Variants in CAMTA1 observed in about 807,000 individuals in gnomAD.
The protein encoded by CAMTA1 is calmodulin-binding transcription activator 1.
In CAMTA1, 27 loss-of-function variants were observed where a neutral mutation model predicts 170.9. That is an observed-to-expected ratio of 0.16 (90% CI 0.12 to 0.22). CAMTA1 has a LOEUF of 0.22. CAMTA1 is among the 10% of genes least tolerant of loss of function. The pLI is 1.00. For missense variants in CAMTA1, 1,619 were observed against 2,217.2 expected (o/e 0.73, Z 5.42); for synonymous variants, 833 against 891.5 (o/e 0.93, Z 1.17).
chr1:7,180,799 A>G (rs989748686), intron 4 of CAMTA1, among the ~76,000 whole-genome samples: 4 of 152,226 alleles, frequency 2.6e-5, no homozygotes, highest in African/African-American at 7.2e-5. Context: ...GATGTGAGCC[A>G]CCACACCTGG....
At chr1:7,047,746 C>T (rs1179397158) in intron 3 of CAMTA1, among the ~76,000 whole-genome samples, 2 of 137,960 alleles carry the variant, frequency 1.4e-5, no homozygotes, top group African/African-American at 5.6e-5. Context: ...TTGGAGGTTA[C>T]TAGGATTAGA....
chr1:7,100,903 C>G (rs1054163254), intron 4 of CAMTA1, among the ~76,000 whole-genome samples: 1 of 152,182 alleles, frequency 6.6e-6, no homozygotes, highest in Non-Finnish European at 1.5e-5. Flanking sequence ...TTTACTGGGA[C>G]AAAAGCCTTC....
chr1:7,440,819 C>T (rs750721185), intron 5 of CAMTA1, among the ~76,000 whole-genome samples: 1 of 152,172 alleles, frequency 6.6e-6, no homozygotes, highest in Non-Finnish European at 1.5e-5. Context: ...TTTCCTTAGC[C>T]GATGGCGATG....
At chr1:7,462,310 G>A (rs893656565) in intron 5 of CAMTA1, among the ~76,000 whole-genome samples, 1 of 152,140 alleles carries the variant, frequency 6.6e-6, no homozygotes, top group Non-Finnish European at 1.5e-5. Context: ...CTGTTGCCCA[G>A]GCTGGAGTGC....
At chr1:6,815,552 C>T (rs181404205) in intron 1 of CAMTA1, among the ~76,000 whole-genome samples, 1 of 152,238 alleles carries the variant, frequency 6.6e-6, no homozygotes, top group Admixed American at 6.5e-5. Context: ...GAGTAACCAT[C>T]CCTAGAGTTT....
chr1:7,756,493 G>A (rs1002812630), intron 22 of CAMTA1, among the ~76,000 whole-genome samples: 1 of 152,168 alleles, frequency 6.6e-6, no homozygotes, highest in South Asian at 2.1e-4. Context: ...CAGTCTCCCA[G>A]AAGCAACTAT....
chr1:7,136,145 A>G (rs1645530811), intron 4 of CAMTA1, among the ~76,000 whole-genome samples: 1 of 152,162 alleles, frequency 6.6e-6, no homozygotes, highest in African/African-American at 2.4e-5. Context: ...GTGCCAAACA[A>G]TATCATGTGG....
chr1:7,766,433 G>T, intron 22 of CAMTA1, 26 bp from the exon 23 acceptor site: 1 of 1,612,668 alleles, frequency 6.2e-7, no homozygotes, highest in Non-Finnish European at 8.5e-7. Context: ...GTTATCGCCT[G>T]CTGTTTTGTT....
At chr1:6,893,274 AAAG>A (rs1359896468) in intron 3 of CAMTA1, among the ~76,000 whole-genome samples, 1 of 152,162 alleles carries the variant, frequency 6.6e-6, no homozygotes, top group Non-Finnish European at 1.5e-5. Flanking sequence ...GAAAAAAAGA[AAAG>A]AAGAAAAAAA....
intron 3 of CAMTA1, among the ~76,000 whole-genome samples, chr1:6,949,352 C>T (rs1426294874): frequency 1.3e-5 from 2 of 152,236 alleles, no homozygotes; most frequent in African/African-American, 4.8e-5. Context: ...GGAGATCCCG[C>T]TTTGAACGCC....
At chr1:7,283,395 C>T (rs890956503) in intron 5 of CAMTA1, among the ~76,000 whole-genome samples, 10 of 152,168 alleles carry the variant, frequency 6.6e-5, no homozygotes, top group South Asian at 2.1e-4. Context: ...CTACTTTCTC[C>T]GAGGTTCCAG....
chr1:7,612,821 G>A (rs900090105), intron 6 of CAMTA1, among the ~76,000 whole-genome samples: 10 of 152,220 alleles, frequency 6.6e-5, no homozygotes, highest in Non-Finnish European at 1.0e-4. Flanking sequence ...CCCTTTGCAG[G>A]TTAAGAGGGC....
rs186634194 is a variant in CAMTA1, at chr1:7,456,433, T to C, written c.439-11397T>C. Among the ~76,000 whole-genome samples, 279 of 152,320 alleles carry C rather than the reference T, an allele frequency of 1.8e-3. 2 individuals are homozygous for C. Among genetic ancestry groups the C allele is most frequent in the African/African-American group, 6.4e-3 (267 of 41,564 alleles). On this transcript the variant is annotated intron_variant, in intron 5 of 22. Coordinates refer to ENST00000303635, the MANE Select transcript of CAMTA1 (RefSeq NM_015215.4). This position sits in a 1 kb window ranked among gnomAD's most constrained non-coding sequence, Gnocchi z 4.9. ...ATGAAAGAGAGGGAATTTCACTTTA[T>C]TTATATATTATTTATGCCCAGTACT...
intron 14 of CAMTA1, 94 bp downstream of exon 14, chr1:7,737,103 G>C: frequency 1.5e-6 from 2 of 1,317,304 alleles, no homozygotes; most frequent in Non-Finnish European, 1.1e-6. Flanking sequence ...CTGACACATG[G>C]CATGTTTCGG....
chr1:7,411,551 A>G (rs1337553983), intron 5 of CAMTA1, among the ~76,000 whole-genome samples: 1 of 137,678 alleles, frequency 7.3e-6, no homozygotes, highest in African/African-American at 2.7e-5. Flanking sequence ...AAAAAAAAAA[A>G]AAAAAGGAAT....
Position 7,333,687 on chromosome 1 carries a change from G to A in CAMTA1, c.438+84061G>A, listed in dbSNP as rs188254509. Among the ~76,000 whole-genome samples, 516 of 152,338 alleles carry A rather than the reference G, an allele frequency of 3.4e-3. 2 individuals are homozygous for A. The highest frequency in any genetic ancestry group is 6.2e-3 in the Non-Finnish European group (420 of 68,024). On this transcript the variant is annotated intron_variant, in intron 5 of 22. Coordinates refer to ENST00000303635, the MANE Select transcript of CAMTA1 (RefSeq NM_015215.4). The surrounding 1 kb of genome is among the most constrained non-coding windows in gnomAD (Gnocchi z 4.4). The stretch of plus-strand genomic sequence containing the variant: ...CGCCATGTTGCAGATTCTCCAATAA[G>A]CATCCCGGTGATCTGTGTGCCTTGC...
chr1:7,753,822 A>T (rs1310968827), intron 21 of CAMTA1, among the ~76,000 whole-genome samples: 3 of 152,194 alleles, frequency 2.0e-5, no homozygotes, highest in Non-Finnish European at 4.4e-5. Context: ...CCATGCAAGG[A>T]TGGGAGATTT....
intron 1 of CAMTA1, among the ~76,000 whole-genome samples, chr1:6,818,336 CAAAA>C (rs1438765799): frequency 6.6e-6 from 1 of 152,092 alleles, no homozygotes; most frequent in Non-Finnish European, 1.5e-5. Flanking sequence ...GACTCCGTCT[CAAAA>C]CAAACAAACA....
At chr1:7,080,686 C>T (rs1558067795) in intron 3 of CAMTA1, among the ~76,000 whole-genome samples, 1 of 152,132 alleles carries the variant, frequency 6.6e-6, no homozygotes, top group Non-Finnish European at 1.5e-5. Context: ...AGGTGACCAC[C>T]ACCATGCCAG....
Sources: allele counts gnomAD v4.1 joint callset (sites outside exome capture counted in the v4.1 genomes callset), GRCh38; gene constraint gnomAD v4.1.1; non-coding constraint Gnocchi (gnomAD v3.1); transcripts MANE v1.5; gene names NCBI Gene and HGNC (gene_info 2026-07-23, HGNC 2026-07-21).